Variants in PCDHA5 observed in about 807,000 individuals in gnomAD.
PCDHA5 encodes protocadherin alpha 5.
Under a neutral mutation model 61.6 loss-of-function variants are expected in PCDHA5, and 43 were observed. The ratio of observed to expected loss-of-function variants is 0.70; its 90% CI spans 0.55 to 0.90. The LOEUF is 0.90. PCDHA5 is among the 40% of genes least tolerant of loss of function. The pLI is 0.00. For synonymous variants in PCDHA5, 627 were observed against 543.9 expected (o/e 1.15, Z -2.13); for missense variants, 1,298 against 1,222.7 (o/e 1.06, Z -0.92).
intron 1 of PCDHA5, among the ~76,000 whole-genome samples, chr5:140,887,198 G>T (rs1276345927): frequency 6.6e-6 from 1 of 151,492 alleles, no homozygotes; most frequent in Admixed American, 6.6e-5. Flanking sequence ...CCGGGTTCAC[G>T]CCATTCTCCT....
intron 1 of PCDHA5, chr5:140,877,875 C>T (rs2057379478): frequency 6.8e-7 from 1 of 1,475,090 alleles, no homozygotes; most frequent in Non-Finnish European, 9.0e-7. Context: ...TATTTGTTTC[C>T]TTGAAGAACT....
chr5:140,842,799 C>A, intron 1 of PCDHA5: 1 of 1,594,426 alleles, frequency 6.3e-7, no homozygotes, highest in Non-Finnish European at 8.6e-7. Flanking sequence ...GTGTCCTACT[C>A]GCTTGTGGAG....
Position 140,824,077 on chromosome 5 carries a change from C to T in PCDHA5, c.2302C>T (p.Leu768Phe). Reference protein sequence around the residue: ...CSGEAPPKTDLMAFSPSLPQG... With the variant: ...CSGEAPPKTDFMAFSPSLPQG... ...TGGGGAAGCTCCACCCAAAACAGAC[C>T]TCATGGCCTTCAGTCCAAGCCTTCC... is the stretch of plus-strand genomic sequence containing the variant. The change falls in exon 1 of 4, where the codon CTC (leucine) becomes TTC (phenylalanine). Residue 768 changes from leucine (L) to phenylalanine (F), a missense_variant. Physicochemically the swap from Leu to Phe is conservative, Grantham distance 22 (BLOSUM62 0). Transcript: ENST00000529859. 1 of 1,614,210 alleles carries T rather than the reference C, an allele frequency of 6.2e-7. No individual in the cohort carries two copies. The highest frequency in any genetic ancestry group is 1.1e-5 in the South Asian group (1 of 91,088).
chr5:140,850,415 G>T, intron 1 of PCDHA5: 1 of 1,597,962 alleles, frequency 6.3e-7, no homozygotes, highest in Non-Finnish European at 8.6e-7. Context: ...TGGACGAAAC[G>T]GACGCACCGC....
intron 1 of PCDHA5, among the ~76,000 whole-genome samples, chr5:140,970,194 A>G (rs1202666673): frequency 6.6e-6 from 1 of 152,204 alleles, no homozygotes; most frequent in African/African-American, 2.4e-5. Context: ...TTGTAAGAGG[A>G]TTTCCCTGAA....
intron 1 of PCDHA5, among the ~76,000 whole-genome samples, chr5:140,888,041 A>G (rs571709864): frequency 2.0e-5 from 3 of 152,296 alleles, no homozygotes; most frequent in South Asian, 4.1e-4. Context: ...TAGTACATGT[A>G]TAATAGATGT....
chr5:140,968,262 A>G, intron 1 of PCDHA5: 5 of 1,614,054 alleles, frequency 3.1e-6, no homozygotes, highest in Non-Finnish European at 4.2e-6. Flanking sequence ...CCAGATGAAA[A>G]GGAGAATGCA....
intron 1 of PCDHA5, chr5:140,877,301 A>T (rs2057007244): frequency 6.2e-7 from 1 of 1,613,758 alleles, no homozygotes; most frequent in African/African-American, 1.3e-5. Flanking sequence ...CTGTCCTACG[A>T]GTTGCAACCG....
At chr5:140,871,183 G>A (rs782647681) in intron 1 of PCDHA5, 2 of 1,613,586 alleles carry the variant, frequency 1.2e-6, no homozygotes, top group South Asian at 2.2e-5. Flanking sequence ...TGCGCTGGTG[G>A]ATGTCAACGT....
At chr5:140,884,634 G>A in intron 1 of PCDHA5, 1 of 1,612,414 alleles carries the variant, frequency 6.2e-7, no homozygotes, top group Non-Finnish European at 8.5e-7. Context: ...ACAGGCCAGA[G>A]GGAGGAGGAC....
chr5:140,826,843 G>A (rs1033501047), intron 1 of PCDHA5, among the ~76,000 whole-genome samples: 2 of 152,078 alleles, frequency 1.3e-5, no homozygotes, highest in African/African-American at 2.4e-5. Context: ...TTTCTCAAGT[G>A]TCTTGCAATT....
chr5:140,927,676 G>A (rs2084491623), intron 1 of PCDHA5: 1 of 1,614,192 alleles, frequency 6.2e-7, no homozygotes, highest in South Asian at 1.1e-5. Flanking sequence ...GGATCCAGAT[G>A]AAGGGTCCAA....
At position 140,822,280 on chromosome 5, in the gene PCDHA5, T is replaced by G; in HGVS notation, c.505T>G (p.Tyr169Asp). 1.9e-6 allele frequency: 3 copies of G among 1,614,246 alleles called. No individual in the cohort carries two copies. Among genetic ancestry groups the G allele is most frequent in the Non-Finnish European group, 2.5e-6 (3 of 1,180,044 alleles). Residue 169 changes from tyrosine (Y) to aspartate (D), a missense_variant, in exon 1 of 4, where the codon TAC becomes GAC. Coordinates refer to ENST00000529859, the MANE Select transcript of PCDHA5 (RefSeq NM_018908.3). ...LDIGANAQLR[Y>D]RLNPNEYFDL... ...TATTGGAGCAAATGCACAATTGAGA[T>G]ACAGGTTAAATCCAAACGAATATTT...
In PCDHA5 at chr5:141,009,929, G is replaced by A; in HGVS notation, c.2803G>A (p.Asp935Asn). The A allele has an allele frequency of 1.2e-6, 2 of 1,603,732 alleles. No individual in the cohort carries two copies. Among genetic ancestry groups the A allele is most frequent in the Non-Finnish European group, 1.7e-6 (2 of 1,176,576 alleles). Residue 935 changes from aspartate to asparagine, a missense_variant, in exon 4 of 4, where the codon GAC (aspartate) becomes AAC (asparagine). Transcript: ENST00000529859. ...AGGGAACAGCACGACTGACAACAGT[G>A]ACCAGTGAGGTCCTCAAATGGAAAC... is the stretch of plus-strand genomic sequence containing the variant. ...EKGNSTTDNSDQ is the reference protein window; with the variant it reads ...EKGNSTTDNSNQ
chr5:140,856,905 C>T, intron 1 of PCDHA5: 1 of 1,595,990 alleles, frequency 6.3e-7, no homozygotes. Context: ...TTGGTCCCAC[C>T]CACGATAAGA....
chr5:140,825,482 GC>G (rs1768595274), intron 1 of PCDHA5: 1 of 149,484 alleles, frequency 6.7e-6, no homozygotes, highest in Non-Finnish European at 1.5e-5. Context: ...TGCTCTTGTT[GC>G]CCAAACGAGT....
intron 1 of PCDHA5, chr5:140,869,228 G>A (rs782726206): frequency 6.2e-7 from 1 of 1,613,764 alleles, no homozygotes; most frequent in Non-Finnish European, 8.5e-7. Context: ...GCCAAACACG[G>A]CACCTTCGTG....
At chr5:140,943,266 AAAAAAAAAAAAG>A (rs2093453056) in intron 1 of PCDHA5, among the ~76,000 whole-genome samples, 1 of 150,226 alleles carries the variant, frequency 6.7e-6, no homozygotes, top group African/African-American at 2.5e-5. Context: ...TCAAAAAAAA[AAAAAAAAAAAAG>A]AAAGAAAGAA....
At chr5:140,894,957 T>C (rs530563833) in intron 1 of PCDHA5, among the ~76,000 whole-genome samples, 1 of 152,206 alleles carries the variant, frequency 6.6e-6, no homozygotes, top group African/African-American at 2.4e-5. Flanking sequence ...ATGATAAAAA[T>C]ATAATTTTTT....
Sources: gnomAD v4.1 joint callset for allele counts (sites outside exome capture counted in the v4.1 genomes callset) on GRCh38, gnomAD v4.1.1 for gene constraint, MANE v1.5 for transcripts, NCBI Gene and HGNC (gene_info 2026-07-23, HGNC 2026-07-21) for gene names.